ANK2: variants seen among roughly 807,000 people sequenced by gnomAD.
ANK2 encodes the protein ankyrin-2.
In ANK2, 83 loss-of-function variants were observed where a neutral mutation model predicts 360.5. The observed-to-expected ratio is 0.23, with a 90% CI of 0.19 to 0.28. The LOEUF (loss-of-function observed/expected upper bound fraction) is 0.28, where lower values mean the gene tolerates loss of function less well. ANK2 is among the 10% of genes least tolerant of loss of function. The probability of loss-of-function intolerance (pLI) is 1.00; values close to 1 mark genes in which losing one functional copy is unlikely to be tolerated. For synonymous variants in ANK2, 1,740 were observed against 1,759.5 expected, an observed-to-expected ratio of 0.99 and a Z score of 0.28; for missense variants, 4,201 against 4,795.7, an observed-to-expected ratio of 0.88 and a Z score of 3.66.
At position 113,263,281 on chromosome 4, in the gene ANK2, C is replaced by T. The variant is rs566479592; in HGVS notation, c.1387-1616C>T. 4.7e-5 allele frequency among the ~76,000 whole-genome samples: 7 copies of T among 149,686 alleles called. No homozygotes were observed. The South Asian group carries it at 1.3e-3, about 27-fold the overall frequency. On this transcript the variant is annotated intron_variant, in intron 13 of 45. Transcript: ENST00000357077. ...AAAACAAGTTAGAAATCATGATTGT[C>T]TGTCCAGGGAGGAAAAATCTTGTGA...
chr4:113,151,242 T>C, intron 1 of ANK2: 1 of 789,380 alleles, frequency 1.3e-6, no homozygotes, highest in South Asian at 1.7e-5. Context: ...CACACATTAC[T>C]TGTTGTCGTA....
In ANK2 at chr4:113,176,096, G is replaced by A. The variant is rs114599796; in HGVS notation, c.186+1579G>A. ...CCTGTATGAATCCCCCAAGGTCAGTGTTCTTCTTTAACACAACCCACATGT... is the reference window on the plus strand; with the variant it reads ...CCTGTATGAATCCCCCAAGGTCAGTATTCTTCTTTAACACAACCCACATGT... On this transcript the variant is annotated intron_variant, in intron 2 of 45. Transcript: ENST00000357077. Among the ~76,000 whole-genome samples, 483 of 152,314 alleles carry A rather than the reference G, an allele frequency of 3.2e-3. 2 individuals carry two copies. Among genetic ancestry groups the A allele is most frequent in the South Asian group, 7.9e-3 (38 of 4,830 alleles).
chr4:113,156,371 C>CTTTTTTTTTTTTTTTTTTTTTTTT lies in ANK2; in HGVS notation c.85-18035_85-18034insTTTTTTTTTTTTTTTTTTTTTTTT, dbSNP rs150536846. ...CGTATAGAGTATATGTAGAAAAATT[C>CTTTTTTTTTTTTTTTTTTTTTTTT]TTTTTTTTTTGTTTTTGAGACAGAG... is the stretch of plus-strand genomic sequence containing the variant. On this transcript the variant is annotated intron_variant, in intron 1 of 45. Coordinates refer to ENST00000357077, the MANE Select transcript of ANK2 (RefSeq NM_001148.6). 1.1e-3 allele frequency among the ~76,000 whole-genome samples: 144 copies of CTTTTTTTTTTTTTTTTTTTTTTTT among 128,456 alleles called. 4 individuals carry two copies. The highest frequency in any genetic ancestry group is 1.5e-3 in the Non-Finnish European group (93 of 61,444). The allele number at this position is 128,456 out of a possible 152,430, so 84.3% of individuals were successfully genotyped here. A position where few individuals can be genotyped will look rare whatever the true frequency, so the allele number is the denominator to read the frequency against.
At chr4:112,958,852 TTTC>T (rs1244106515) in intron 2 of ANK2, among the ~76,000 whole-genome samples, 1 of 151,052 alleles carries the variant, frequency 6.6e-6, no homozygotes, top group Non-Finnish European at 1.5e-5. Context: ...AAGATTTCTT[TTTC>T]TTTTTTTTTG....
At chr4:113,105,747 T>C (rs1370625425) in intron 1 of ANK2, among the ~76,000 whole-genome samples, 2 of 152,206 alleles carry the variant, frequency 1.3e-5, no homozygotes, top group Non-Finnish European at 2.9e-5. Context: ...TCTGCCATCA[T>C]GTTTGAAATT....
chr4:113,124,974 A>C (rs1403457354), intron 1 of ANK2, among the ~76,000 whole-genome samples: 3 of 152,182 alleles, frequency 2.0e-5, no homozygotes, highest in African/African-American at 7.2e-5. Flanking sequence ...CTTTTAAAAA[A>C]AAATCAGAGA....
chr4:113,313,927 G>T (rs1354158411), intron 24 of ANK2, among the ~76,000 whole-genome samples: 17 of 152,160 alleles, frequency 1.1e-4, no homozygotes, highest in Non-Finnish European at 2.4e-4. Context: ...TTATTAAAAT[G>T]TAAATCTGTG....
chr4:112,738,389 G>C, the ANK2 span, among the ~76,000 whole-genome samples: 36 of 145,440 alleles, frequency 2.5e-4, 1 homozygote, highest in Admixed American at 2.3e-3. Flanking sequence ...TCCAGCCTGG[G>C]CAACAAGAGT....
chr4:113,048,288 T>A (rs1324504400), upstream of ANK2, among the ~76,000 whole-genome samples: 89 of 108,484 alleles, frequency 8.2e-4, no homozygotes, highest in South Asian at 2.4e-3. Flanking sequence ...TTTTTTTTTT[T>A]TTTTTTTTTT....
At chr4:112,900,992 T>C (rs1330884715) in intron 1 of ANK2, among the ~76,000 whole-genome samples, 1 of 152,202 alleles carries the variant, frequency 6.6e-6, no homozygotes, top group Non-Finnish European at 1.5e-5. Context: ...CATGAGGTTG[T>C]TTTGAATACC....
chr4:113,329,021 G>T (rs2091475394), intron 26 of ANK2, among the ~76,000 whole-genome samples: 1 of 152,178 alleles, frequency 6.6e-6, no homozygotes, highest in African/African-American at 2.4e-5. Flanking sequence ...GCAGAGACAT[G>T]ATACACCTGT....
At chr4:112,918,592 A>G (rs1456362337) in intron 2 of ANK2, among the ~76,000 whole-genome samples, 1 of 152,178 alleles carries the variant, frequency 6.6e-6, no homozygotes, top group Non-Finnish European at 1.5e-5. Flanking sequence ...TGTTTGAAGA[A>G]TAGAGAGGGG....
At chr4:113,276,921 C>T (rs1012592184) in intron 15 of ANK2, among the ~76,000 whole-genome samples, 33 of 152,190 alleles carry the variant, frequency 2.2e-4, no homozygotes, top group African/African-American at 7.7e-4. Flanking sequence ...TTAGAATTCC[C>T]CCACTCCCAC....
chr4:113,251,383 T>G (rs570263317), intron 10 of ANK2, among the ~76,000 whole-genome samples: 1 of 152,000 alleles, frequency 6.6e-6, no homozygotes, highest in Admixed American at 6.6e-5. Flanking sequence ...CATGTATTCA[T>G]GCATCCAACT....
chr4:112,908,080 G>A (rs2085859355), intron 2 of ANK2, among the ~76,000 whole-genome samples: 1 of 152,108 alleles, frequency 6.6e-6, no homozygotes, highest in Non-Finnish European at 1.5e-5. Flanking sequence ...TGGGATAGAA[G>A]TTTTCAAGAA....
chr4:112,715,842 C>T, the ANK2 span, among the ~76,000 whole-genome samples: 7 of 152,080 alleles, frequency 4.6e-5, no homozygotes, highest in Non-Finnish European at 1.0e-4. Flanking sequence ...TTTTTCTTTG[C>T]AGCTATGGAG....
chr4:112,823,767 G>C (rs761123137), intron 1 of ANK2, among the ~76,000 whole-genome samples: 45 of 152,210 alleles, frequency 3.0e-4, no homozygotes, highest in Non-Finnish European at 6.0e-4. Context: ...AAGTTTTTCA[G>C]GGTTATTATA....
chr4:113,265,072 G>T (rs1268062656), intron 14 of ANK2, 77 bp downstream of exon 14: 2 of 1,351,764 alleles, frequency 1.5e-6, no homozygotes, highest in East Asian at 5.1e-5. Context: ...TTGCCCTTCA[G>T]TTCCTTGATT....
chr4:112,737,445 G>C, the ANK2 span, among the ~76,000 whole-genome samples: 6 of 152,176 alleles, frequency 3.9e-5, no homozygotes, highest in Non-Finnish European at 7.3e-5. Flanking sequence ...ATTATCAGTT[G>C]CTGCATAACA....
Sources: allele counts gnomAD v4.1 joint callset (sites outside exome capture counted in the v4.1 genomes callset), GRCh38; gene constraint gnomAD v4.1.1; transcripts MANE v1.5; gene names NCBI Gene and HGNC (gene_info 2026-07-23, HGNC 2026-07-21).